CYP4V2: variants seen among roughly 807,000 people sequenced by gnomAD.
CYP4V2 encodes cytochrome P450 4V2.
A neutral mutation model predicts 60.8 loss-of-function variants in CYP4V2; 55 were observed. The observed-to-expected ratio is 0.90, with a 90% CI of 0.73 to 1.13. The LOEUF (loss-of-function observed/expected upper bound fraction) is 1.13. CYP4V2 is among the 50% of genes most tolerant of loss of function. CYP4V2 has a pLI of 0.00. For missense variants in CYP4V2, 675 were observed against 662.9 expected (o/e 1.02, Z -0.20); for synonymous variants, 239 against 236.8 (o/e 1.01, Z -0.08).
chr4:186,210,495 A>G lies in CYP4V2; in HGVS notation c.1432A>G (p.Lys478Glu). The G allele has an allele frequency of 1.2e-6, 2 of 1,614,192 alleles. No homozygotes were observed. The change falls in exon 11 of 11, where the codon AAG becomes GAG. Residue 478 changes from lysine to glutamate, a missense_variant. Physicochemically the swap from Lys to Glu is moderately conservative, Grantham distance 56. Transcript: ENST00000378802. ...TCAAAAGTTTGCTGTGATGGAAGAA[A>G]AGACCATTCTTTCGTGCATCCTGAG... Reference protein sequence around the residue: ...IGQKFAVMEEKTILSCILRHF... With the variant: ...IGQKFAVMEEETILSCILRHF...
In CYP4V2 at chr4:186,194,539, G is replaced by A. The variant is rs559133074; in HGVS notation, c.254G>A (p.Arg85His). 178 of 1,613,998 alleles carry A rather than the reference G, an allele frequency of 1.1e-4. No homozygotes were observed. The highest frequency in any genetic ancestry group is 7.2e-4 in the Admixed American group (43 of 59,996). Residue 85 changes from arginine to histidine, a missense_variant, in exon 2 of 11, where the codon CGC becomes CAC. Arg to His is a conservative substitution (Grantham distance 29). Transcript: ENST00000378802. ...ATCATTGAGTACACAGAGGAATACC[G>A]CCACATGCCGCTGCTGAAGCTCTGG... ...QQIIEYTEEY[R>H]HMPLLKLWVG...
chr4:186,202,228 T>G (rs1432279840), intron 7 of CYP4V2: 1 of 152,232 alleles, frequency 6.6e-6, no homozygotes, highest in Non-Finnish European at 1.5e-5. Context: ...AGAGATGGAC[T>G]ACGTTGGTGG....
At chr4:186,207,157 C>A (rs1172648081) in intron 8 of CYP4V2, among the ~76,000 whole-genome samples, 2 of 151,736 alleles carry the variant, frequency 1.3e-5, no homozygotes, top group Non-Finnish European at 2.9e-5. Context: ...GCCTGTAATC[C>A]CAGCACTTTG....
intron 10 of CYP4V2, among the ~76,000 whole-genome samples, chr4:186,209,591 A>T (rs947203910): frequency 2.0e-4 from 31 of 152,142 alleles, no homozygotes; most frequent in African/African-American, 7.2e-4. Flanking sequence ...GTTTCTCCTG[A>T]GGCCTCTCTC....
intron 7 of CYP4V2, 40 bp from the exon 8 acceptor site, chr4:186,205,160 A>G (rs1452370661): frequency 1.9e-6 from 3 of 1,591,354 alleles, no homozygotes; most frequent in Non-Finnish European, 2.6e-6. Context: ...TCATCGCAGC[A>G]TAACTCTGCT....
rs12507156 is a variant in CYP4V2, at chr4:186,195,678, C to T, written c.328-325C>T. On this transcript the variant is annotated intron_variant, in intron 2 of 10. Coordinates refer to ENST00000378802, the MANE Select transcript of CYP4V2 (RefSeq NM_207352.4). The surrounding 1 kb of genome is among the most constrained non-coding windows in gnomAD (Gnocchi z 4.1). ...TTCCATCTCCCCACATGTGCCCACC[C>T]TCCAGATTCGCCTCCTCCCACCTCA... Among the ~76,000 whole-genome samples, 72,320 of 151,836 alleles carry T rather than the reference C, an allele frequency of 0.48. 18,779 individuals are homozygous for T. Among genetic ancestry groups the T allele is most frequent in the African/African-American group, 0.69 (28,543 of 41,396 alleles).
chr4:186,213,150 A>G lies in CYP4V2; in HGVS notation c.*2509A>G, dbSNP rs889261647. ...GAGAATGTCTTTCAGCTCCAGAATT[A>G]TTGTTACTCATATTTTAATCAGTAA... On this transcript the variant is annotated 3_prime_UTR_variant, in exon 11 of 11. Transcript: ENST00000378802. The G allele has an allele frequency of 6.6e-6, 1 of 152,180 alleles. No individual in the cohort carries two copies. The highest frequency in any genetic ancestry group is 1.5e-5 in the Non-Finnish European group (1 of 68,028). The allele number at this position is 152,180 out of a possible 1,614,324, so 9.4% of individuals were successfully genotyped here. A position where few individuals can be genotyped will look rare whatever the true frequency, so the allele number is the denominator to read the frequency against.
At chr4:186,202,854 A>G (rs1736359596) in intron 7 of CYP4V2, 1 of 152,158 alleles carries the variant, frequency 6.6e-6, no homozygotes, top group Non-Finnish European at 1.5e-5. Context: ...ACATACACAC[A>G]CATGCACACA....
Position 186,210,693 on chromosome 4 carries a change from A to C in CYP4V2, c.*52A>C. 1.9e-6 allele frequency: 3 copies of C among 1,607,112 alleles called. No homozygotes were observed. The African/African-American group carries it at 4.0e-5, about 21-fold the overall frequency. ...ATGAGAAAGGTCTTTATTTTAAGAG[A>C]TCCTTGTCATTTACAATTTACAGAT... On this transcript the variant is annotated 3_prime_UTR_variant, in exon 11 of 11. Coordinates refer to ENST00000378802, the MANE Select transcript of CYP4V2 (RefSeq NM_207352.4).
chr4:186,205,637 T>C (rs1736474214), intron 8 of CYP4V2, among the ~76,000 whole-genome samples: 1 of 152,214 alleles, frequency 6.6e-6, no homozygotes, highest in Non-Finnish European at 1.5e-5. Context: ...TGAAACTATT[T>C]AGAAAGGTAC....
rs1368265396 is a variant in CYP4V2 at position 186,191,764 on chromosome 4, A to G, written c.-60A>G. On this transcript the variant is annotated 5_prime_UTR_variant, in exon 1 of 11. Transcript: ENST00000378802. ...CGGTGTGCGGCCGGCACCGCCTCGC[A>G]CCACGCCCCCGCGGGCCCGCACTTT... The G allele has an allele frequency of 1.4e-6, 2 of 1,390,594 alleles. No individual in the cohort carries two copies. Among genetic ancestry groups the G allele is most frequent in the Admixed American group, 3.2e-5 (1 of 31,630 alleles). The allele number at this position is 1,390,594 out of a possible 1,614,324, so 86.1% of individuals were successfully genotyped here. A position where few individuals can be genotyped will look rare whatever the true frequency, so the allele number is the denominator to read the frequency against.
chr4:186,210,070 A>G (rs1190946450), intron 10 of CYP4V2, among the ~76,000 whole-genome samples: 1 of 152,250 alleles, frequency 6.6e-6, no homozygotes, highest in Non-Finnish European at 1.5e-5. Context: ...TGGTTTTAGT[A>G]TCTCTAGCAT....
Position 186,206,076 on chromosome 4 carries a change from C to T in CYP4V2, c.1090+774C>T, listed in dbSNP as rs151215607. ...CTGTGGCCCACTGGGAAAATATCCACTCCTTGTCTCTTCAGCTTCCGGTGG... is the reference window on the plus strand; with the variant it reads ...CTGTGGCCCACTGGGAAAATATCCATTCCTTGTCTCTTCAGCTTCCGGTGG... On this transcript the variant is annotated intron_variant, in intron 8 of 10. Transcript: ENST00000378802. 1.3e-3 allele frequency among the ~76,000 whole-genome samples: 201 copies of T among 152,336 alleles called. 1 individual carries two copies. Among genetic ancestry groups the T allele is most frequent in the African/African-American group, 2.2e-3 (91 of 41,580 alleles).
At position 186,194,511 on chromosome 4, in the gene CYP4V2, C is replaced by T. The variant is rs1736084684; in HGVS notation, c.226C>T (p.Gln76Ter). ...MKPDGREFFQ[Q>*]IIEYTEEYRH... ...ATGTTTTTCCCCAGAATTTTTTCAG[C>T]AGATCATTGAGTACACAGAGGAATA... Residue 76 changes from glutamine (Q) to a stop codon, truncating the protein, a stop_gained, in exon 2 of 11, where the codon CAG becomes TAG. Transcript: ENST00000378802. LOFTEE classifies it high-confidence loss of function. 6.2e-7 allele frequency: 1 copy of T among 1,613,944 alleles called. No homozygotes were observed. The highest frequency in any genetic ancestry group is 1.3e-5 in the African/African-American group (1 of 74,928).
intron 8 of CYP4V2, 48 bp from the exon 9 acceptor site, chr4:186,208,817 C>T (rs1049005877): frequency 1.9e-6 from 3 of 1,613,844 alleles, no homozygotes; most frequent in African/African-American, 1.3e-5. Flanking sequence ...TCTGCACCCC[C>T]AGCCCCCACT....
At chr4:186,192,071 G>A in intron 1 of CYP4V2, 34 bp downstream of exon 1, 1 of 1,544,456 alleles carries the variant, frequency 6.5e-7, no homozygotes, top group Non-Finnish European at 8.7e-7. Flanking sequence ...AGCGCAACGG[G>A]GTCCGCAGCC....
At chr4:186,198,171 GA>G (rs1431740276) in intron 5 of CYP4V2, among the ~76,000 whole-genome samples, 1 of 152,204 alleles carries the variant, frequency 6.6e-6, no homozygotes, top group African/African-American at 2.4e-5. Flanking sequence ...GCATTGAGCT[GA>G]GTATATTTAA....
Position 186,212,544 on chromosome 4 carries a change from T to C in CYP4V2, c.*1903T>C, listed in dbSNP as rs768274009. 2.6e-5 allele frequency: 4 copies of C among 152,236 alleles called. No individual in the cohort carries two copies. Among genetic ancestry groups the C allele is most frequent in the Non-Finnish European group, 4.4e-5 (3 of 68,038 alleles). 9.4% of individuals were successfully genotyped at this position (152,236 alleles called of 1,614,324 possible). A position where few individuals can be genotyped will look rare whatever the true frequency, so the allele number is the denominator to read the frequency against. ...TTATTCACTCTTCATAGAATCACAA[T>C]TACCTTTATATATCATATGTTATTG... On this transcript the variant is annotated 3_prime_UTR_variant, in exon 11 of 11. Transcript: ENST00000378802.
chr4:186,208,663 C>T (rs111989439), intron 8 of CYP4V2, among the ~76,000 whole-genome samples: 2 of 151,746 alleles, frequency 1.3e-5, no homozygotes, highest in Non-Finnish European at 2.9e-5. Flanking sequence ...ATTTAGCATC[C>T]AGTACCTTGA....
Sources: gnomAD v4.1 joint callset for allele counts (sites outside exome capture counted in the v4.1 genomes callset) on GRCh38, gnomAD v4.1.1 for gene constraint, Gnocchi (gnomAD v3.1) non-coding constraint, MANE v1.5 for transcripts, NCBI Gene and HGNC (gene_info 2026-07-23, HGNC 2026-07-21) for gene names.